The following TBC1D32 variants were observed in gnomAD, a reference collection of about 807,000 sequenced individuals.
The protein encoded by TBC1D32 is protein broad-minded.
Under a neutral mutation model 170.3 loss-of-function variants are expected in TBC1D32, and 151 were observed. The ratio of observed to expected loss-of-function variants is 0.89; its 90% CI spans 0.78 to 1.01. The LOEUF is 1.01. Ranked by LOEUF, TBC1D32 falls within the 50% of genes least tolerant of loss-of-function variation. The pLI, the probability that TBC1D32 is intolerant of heterozygous loss-of-function variation, is 0.00. For missense variants in TBC1D32, 1,464 were observed against 1,457.1 expected (o/e 1.00, Z -0.08); for synonymous variants, 498 against 488.0 (o/e 1.02, Z -0.27).
At chr6:121,286,335 A>T (rs1409752233) in intron 12 of TBC1D32, among the ~76,000 whole-genome samples, 2 of 152,210 alleles carry the variant, frequency 1.3e-5, no homozygotes, top group African/African-American at 4.8e-5. Context: ...GAACTACGTG[A>T]CGAATGCACA....
intron 21 of TBC1D32, among the ~76,000 whole-genome samples, chr6:121,221,590 G>A (rs1031952076): frequency 6.6e-6 from 1 of 152,210 alleles, no homozygotes; most frequent in Non-Finnish European, 1.5e-5. Context: ...ACAGGAGTTT[G>A]GAAGAAGCTG....
intron 3 of TBC1D32, among the ~76,000 whole-genome samples, chr6:121,311,091 A>G (rs927304759): frequency 3.3e-5 from 5 of 152,344 alleles, no homozygotes; most frequent in African/African-American, 4.8e-5. Flanking sequence ...CAATTAAAGT[A>G]TATATAACAT....
At chr6:121,263,422 A>G (rs1800035078) in intron 15 of TBC1D32, among the ~76,000 whole-genome samples, 1 of 152,192 alleles carries the variant, frequency 6.6e-6, no homozygotes, top group Non-Finnish European at 1.5e-5. Flanking sequence ...CCAATATAGG[A>G]GCACCCAGTT....
chr6:121,245,891 T>G (rs1288031099), intron 17 of TBC1D32, among the ~76,000 whole-genome samples: 1 of 152,138 alleles, frequency 6.6e-6, no homozygotes, highest in Non-Finnish European at 1.5e-5. Context: ...ATAGATTTCC[T>G]GCTGGCCTGG....
At chr6:121,126,004 T>C (rs1780801181) in intron 26 of TBC1D32, among the ~76,000 whole-genome samples, 1 of 152,158 alleles carries the variant, frequency 6.6e-6, no homozygotes, top group African/African-American at 2.4e-5. Context: ...GAATAAAGCC[T>C]ATAGTAGATC....
At chr6:121,151,355 G>C (rs1784189804) in intron 24 of TBC1D32, among the ~76,000 whole-genome samples, 1 of 152,148 alleles carries the variant, frequency 6.6e-6, no homozygotes, top group African/African-American at 2.4e-5. Flanking sequence ...ATTGCACTGT[G>C]GTCTGAGAGA....
chr6:121,280,294 T>A (rs1213985529), intron 14 of TBC1D32, among the ~76,000 whole-genome samples: 2 of 151,842 alleles, frequency 1.3e-5, no homozygotes, highest in Non-Finnish European at 2.9e-5. Context: ...TGTTTAAAGG[T>A]CTGTCTTGCC....
chr6:121,195,724 G>A (rs1314234524), intron 22 of TBC1D32, among the ~76,000 whole-genome samples: 6 of 152,154 alleles, frequency 3.9e-5, no homozygotes, highest in African/African-American at 1.4e-4. Flanking sequence ...GACAGAGGAA[G>A]GGAAGACTAG....
intron 15 of TBC1D32, among the ~76,000 whole-genome samples, chr6:121,276,723 T>C (rs952801236): frequency 6.6e-6 from 1 of 152,174 alleles, no homozygotes. Context: ...AGACATACCA[T>C]GCTAACTATA....
At chr6:121,196,999 T>C (rs896689017) in intron 22 of TBC1D32, among the ~76,000 whole-genome samples, 2 of 152,098 alleles carry the variant, frequency 1.3e-5, no homozygotes, top group African/African-American at 4.8e-5. Flanking sequence ...GGAGGAACAT[T>C]GCCACCAGGA....
intron 24 of TBC1D32, among the ~76,000 whole-genome samples, chr6:121,132,462 G>T (rs984200200): frequency 6.6e-6 from 1 of 151,938 alleles, no homozygotes; most frequent in African/African-American, 2.4e-5. Flanking sequence ...TATCTTTTAA[G>T]CCTCCCACAT....
intron 12 of TBC1D32, among the ~76,000 whole-genome samples, chr6:121,289,520 C>G (rs1804472913): frequency 6.6e-6 from 1 of 152,164 alleles, no homozygotes; most frequent in South Asian, 2.1e-4. Context: ...AATGGAAGAA[C>G]ATTCCATGCT....
intron 22 of TBC1D32, among the ~76,000 whole-genome samples, chr6:121,179,322 G>A (rs926531332): frequency 1.9e-4 from 28 of 150,696 alleles, no homozygotes; most frequent in East Asian, 5.8e-4. Context: ...GTGCATGTGT[G>A]TGAAAATTAC....
rs944755538 is a variant in TBC1D32 at position 121,239,182 on chromosome 6, A to T, written c.2252T>A (p.Ile751Asn). The T allele has an allele frequency of 6.4e-6, 10 of 1,551,642 alleles. No individual in the cohort carries two copies. Among genetic ancestry groups the T allele is most frequent in the Non-Finnish European group, 8.9e-6 (10 of 1,129,050 alleles). Residue 751 changes from isoleucine to asparagine, a missense_variant, in exon 20 of 32, where the codon ATT (isoleucine) becomes AAT (asparagine). By Grantham distance (149) the Ile-to-Asn change is moderately radical. Around this residue, in one of 3 missense-constraint regions of TBC1D32, gnomAD observed 1,363 missense variants for 1,338.1 expected, o/e 1.02. Coordinates refer to ENST00000398212, the MANE Select transcript of TBC1D32 (RefSeq NM_152730.6). ...GGIALKKSGF[I>N]NELITELWSN... ...CCATAATTCAGTTATAAGTTCATTA[A>T]TAAACCCTAAAAAGAATTATTACTT... is the stretch of plus-strand genomic sequence containing the variant.
At chr6:121,214,332 C>T (rs1000775258) in intron 21 of TBC1D32, among the ~76,000 whole-genome samples, 1 of 152,178 alleles carries the variant, frequency 6.6e-6, no homozygotes, top group Non-Finnish European at 1.5e-5. Context: ...GGGCTCATTC[C>T]ACCCATTCGG....
chr6:121,287,469 T>A (rs1425196882), intron 12 of TBC1D32, among the ~76,000 whole-genome samples: 1 of 152,130 alleles, frequency 6.6e-6, no homozygotes, highest in Non-Finnish European at 1.5e-5. Context: ...TAAATATATA[T>A]GCACCCAATA....
intron 22 of TBC1D32, among the ~76,000 whole-genome samples, chr6:121,175,285 C>T (rs1787613619): frequency 6.6e-6 from 1 of 152,092 alleles, no homozygotes; most frequent in Non-Finnish European, 1.5e-5. Flanking sequence ...GAGAGGTCTA[C>T]AGGATCTGGA....
At chr6:121,326,712 C>A (rs1458393862) in intron 1 of TBC1D32, among the ~76,000 whole-genome samples, 1 of 151,914 alleles carries the variant, frequency 6.6e-6, no homozygotes, top group East Asian at 1.9e-4. Context: ...AACCCAAGGA[C>A]CCCAGGGTTA....
At chr6:121,099,426 T>C (rs147375565) in intron 30 of TBC1D32, among the ~76,000 whole-genome samples, 1 of 152,106 alleles carries the variant, frequency 6.6e-6, no homozygotes, top group African/African-American at 2.4e-5. Flanking sequence ...ACAACAAATA[T>C]GCATTTCTTG....
Sources: gnomAD v4.1 joint callset for allele counts (sites outside exome capture counted in the v4.1 genomes callset) on GRCh38, gnomAD v4.1.1 for gene constraint, gnomAD v4.1.1 regional missense constraint, MANE v1.5 for transcripts, NCBI Gene and HGNC (gene_info 2026-07-23, HGNC 2026-07-21) for gene names.